The following COL22A1 variants were observed in gnomAD, a reference collection of about 807,000 sequenced individuals.
COL22A1 encodes collagen alpha-1(XXII) chain.
A neutral mutation model predicts 248.9 loss-of-function variants in COL22A1; 221 were observed. The ratio of observed to expected loss-of-function variants is 0.89; its 90% CI spans 0.80 to 0.99. The LOEUF is 0.99. Among genes scored for constraint, COL22A1 ranks in the 50% least tolerant of loss-of-function variants. The pLI is 0.00. For missense variants in COL22A1, 2,240 were observed against 2,179.0 expected (o/e 1.03, Z -0.56); for synonymous variants, 891 against 793.4 (o/e 1.12, Z -2.07).
chr8:138,597,042 G>C, intron 61 of COL22A1, 72 bp from the exon 62 acceptor site: 1 of 1,332,348 alleles, frequency 7.5e-7, no homozygotes, highest in South Asian at 1.2e-5. Context: ...TGAGGACTTG[G>C]GAAACCAGGA....
intron 55 of COL22A1, among the ~76,000 whole-genome samples, chr8:138,615,541 A>G (rs944449835): frequency 1.3e-5 from 2 of 151,934 alleles, no homozygotes; most frequent in Admixed American, 1.3e-4. Context: ...AAAAAAAAAA[A>G]AAAAAAATTT....
chr8:138,606,525 C>G, intron 57 of COL22A1, 73 bp from the exon 58 acceptor site: 1 of 1,434,394 alleles, frequency 7.0e-7, no homozygotes, highest in Non-Finnish European at 9.7e-7. Flanking sequence ...AACCTTGTGA[C>G]CACTCTGAAA....
rs201676364 is a variant in COL22A1, at chr8:138,751,522, G to A, written c.2032-11C>T. ...TGGGCCTATTGGACCCTTTAGGAGG[G>A]AGAAAAAGGAAAAAGAGAGAGAAAC... On this transcript the variant is annotated splice_polypyrimidine_tract_variant and intron_variant, in intron 21 of 64. Coordinates refer to ENST00000303045, the MANE Select transcript of COL22A1 (RefSeq NM_152888.3). 1.6e-5 allele frequency: 25 copies of A among 1,597,216 alleles called. No individual in the cohort carries two copies. The highest frequency in any genetic ancestry group is 2.1e-5 in the Non-Finnish European group (24 of 1,170,510).
In COL22A1 at chr8:138,602,027, C is replaced by G. The variant is rs1278140686; in HGVS notation, c.4185+88G>C. 6 of 1,451,520 alleles carry G rather than the reference C, an allele frequency of 4.1e-6. No homozygotes were observed. The Admixed American group carries it at 6.7e-5, about 16-fold the overall frequency. The allele number at this position is 1,451,520 out of a possible 1,614,324, so 89.9% of individuals were successfully genotyped here. On this transcript the variant is annotated intron_variant, in intron 60 of 64. Coordinates refer to ENST00000303045, the MANE Select transcript of COL22A1 (RefSeq NM_152888.3). The stretch of plus-strand genomic sequence containing the variant: ...GATCCAGGCGGGTGTTTACTAACTG[C>G]CTTGGACAAAGGCCAGGCTCAACAT...
chr8:138,633,509 G>A (rs984580996), intron 49 of COL22A1, among the ~76,000 whole-genome samples: 3 of 152,246 alleles, frequency 2.0e-5, no homozygotes, highest in African/African-American at 7.2e-5. Flanking sequence ...GTGGAGTGGA[G>A]ATGAGGCTGT....
At chr8:138,714,735 C>T (rs1479301587) in intron 30 of COL22A1, among the ~76,000 whole-genome samples, 1 of 152,208 alleles carries the variant, frequency 6.6e-6, no homozygotes, top group Non-Finnish European at 1.5e-5. Flanking sequence ...AACGAAGCCT[C>T]TCTGTGCACT....
intron 1 of COL22A1, among the ~76,000 whole-genome samples, chr8:138,885,011 T>TGAAC (rs1401591432): frequency 5.0e-5 from 6 of 121,170 alleles, no homozygotes; most frequent in African/African-American, 1.4e-4. Context: ...CATATGTGTG[T>TGAAC]GCACGCACAC....
intron 53 of COL22A1, among the ~76,000 whole-genome samples, chr8:138,619,088 T>A (rs1819554280): frequency 6.6e-6 from 1 of 152,150 alleles, no homozygotes; most frequent in African/African-American, 2.4e-5. Flanking sequence ...ACCATTAGGC[T>A]ATGAGAATGG....
chr8:138,768,918 T>C (rs567718960), intron 16 of COL22A1, among the ~76,000 whole-genome samples: 214 of 151,822 alleles, frequency 1.4e-3, no homozygotes, highest in African/African-American at 4.9e-3. Flanking sequence ...GCCTGGGCAA[T>C]AGAGTGAGAC....
chr8:138,902,739 T>TATATATACACACACACACACACACAC (rs763466994), intron 1 of COL22A1, among the ~76,000 whole-genome samples: 2 of 93,880 alleles, frequency 2.1e-5, no homozygotes, highest in African/African-American at 4.5e-5. Flanking sequence ...TATATATATA[T>TATATATACACACACACACACACACAC]ACACACACAC....
intron 16 of COL22A1, among the ~76,000 whole-genome samples, chr8:138,768,576 T>C (rs1367949477): frequency 6.6e-6 from 1 of 152,214 alleles, no homozygotes; most frequent in East Asian, 1.9e-4. Context: ...TTGTTGTTTT[T>C]TGGTTCGAAT....
chr8:138,608,829 T>C (rs1006744822), intron 56 of COL22A1, among the ~76,000 whole-genome samples: 4 of 152,094 alleles, frequency 2.6e-5, no homozygotes, highest in African/African-American at 9.7e-5. Context: ...GCTGTGTCTT[T>C]ACCTGGCTCT....
intron 22 of COL22A1, among the ~76,000 whole-genome samples, chr8:138,748,203 T>G (rs1057509318): frequency 6.6e-6 from 1 of 152,206 alleles, no homozygotes; most frequent in Non-Finnish European, 1.5e-5. Context: ...CTCCTCTCAG[T>G]GGCCTCCCTC....
chr8:138,609,648 C>T (rs562187889), intron 56 of COL22A1, among the ~76,000 whole-genome samples: 22 of 152,250 alleles, frequency 1.4e-4, no homozygotes, highest in Admixed American at 4.6e-4. Flanking sequence ...AAAATATGTA[C>T]TTTGCCTTAT....
At chr8:138,909,045 A>G (rs1815233832) in intron 1 of COL22A1, among the ~76,000 whole-genome samples, 1 of 152,234 alleles carries the variant, frequency 6.6e-6, no homozygotes, top group Non-Finnish European at 1.5e-5. Flanking sequence ...TGATAGACGT[A>G]CTGCAGCCTG....
chr8:138,648,561 A>G (rs550843309), intron 46 of COL22A1, among the ~76,000 whole-genome samples: 2 of 152,134 alleles, frequency 1.3e-5, no homozygotes, highest in South Asian at 4.2e-4. Flanking sequence ...ATGTGTGTAA[A>G]TCCTTTTAAA....
chr8:138,701,559 G>A (rs1310242170), intron 31 of COL22A1, among the ~76,000 whole-genome samples: 2 of 152,170 alleles, frequency 1.3e-5, no homozygotes, highest in Admixed American at 1.3e-4. Flanking sequence ...AATTATAAAT[G>A]TTTAGAAATA....
At chr8:138,664,018 T>C (rs546856125) in intron 41 of COL22A1, among the ~76,000 whole-genome samples, 1 of 151,862 alleles carries the variant, frequency 6.6e-6, no homozygotes, top group Non-Finnish European at 1.5e-5. Context: ...AACTCTACTT[T>C]GTAGCTCTAG....
chr8:138,701,936 A>G (rs1451395372), intron 31 of COL22A1, among the ~76,000 whole-genome samples: 1 of 152,262 alleles, frequency 6.6e-6, no homozygotes, highest in Non-Finnish European at 1.5e-5. Flanking sequence ...ATTAATTTGT[A>G]GAATTCCATG....
Sources: gnomAD v4.1 joint callset for allele counts (sites outside exome capture counted in the v4.1 genomes callset) on GRCh38, gnomAD v4.1.1 for gene constraint, MANE v1.5 for transcripts, NCBI Gene and HGNC (gene_info 2026-07-23, HGNC 2026-07-21) for gene names.